The following SVIL variants were observed in gnomAD, a reference collection of about 807,000 sequenced individuals.
SVIL encodes the protein archvillin.
In SVIL, 101 loss-of-function variants were observed where a neutral mutation model predicts 240.4. The observed-to-expected ratio is 0.42, with a 90% CI of 0.36 to 0.50. The LOEUF is 0.50. Ranked by LOEUF, SVIL falls within the 20% of genes least tolerant of loss-of-function variation. The pLI is 0.01. For missense variants in SVIL, 2,512 were observed against 2,818.7 expected (o/e 0.89, Z 2.46); for synonymous variants, 999 against 1,100.0 (o/e 0.91, Z 1.82).
Position 29,502,570 on chromosome 10 carries a change from T to C in SVIL, c.3517-3307A>G, listed in dbSNP as rs11814229. On this transcript the variant is annotated intron_variant, in intron 17 of 37. Transcript: ENST00000355867. Reference sequence around the variant, plus strand: ...AGAATCTAAACAGAATCCTACCCCATCTGTCCTTCATTCTTTCAAAGACAG... The same window carrying C: ...AGAATCTAAACAGAATCCTACCCCACCTGTCCTTCATTCTTTCAAAGACAG... 4.4e-3 allele frequency among the ~76,000 whole-genome samples: 674 copies of C among 152,286 alleles called. 4 individuals carry two copies. The highest frequency in any genetic ancestry group is 0.016 in the African/African-American group (648 of 41,562).
chr10:29,496,531 C>T (rs957413604), intron 18 of SVIL: 6 of 400,346 alleles, frequency 1.5e-5, no homozygotes, highest in South Asian at 3.6e-5. Flanking sequence ...GTGTCCTGGC[C>T]GGTGCCGGGC....
Position 29,704,304 on chromosome 10 carries a change from T to G in SVIL, c.-399-17653A>C, listed in dbSNP as rs567030939. Among the ~76,000 whole-genome samples the G allele has an allele frequency of 3.0e-4, 45 of 152,342 alleles. 3 individuals carry two copies. In the South Asian group the frequency reaches 8.9e-3, roughly 30 times the overall value. ...AGTGTCGTGTGTGTGTGTATGTGTG[T>G]TCACCGAGGAACTGAGCATGCACCA... On this transcript the variant is annotated intron_variant, in intron 1 of 35. Transcript: ENST00000375400.
intron 6 of SVIL, among the ~76,000 whole-genome samples, chr10:29,536,320 G>T (rs1351020766): frequency 6.6e-6 from 1 of 151,748 alleles, no homozygotes; most frequent in Non-Finnish European, 1.5e-5. Context: ...TTATTACCTG[G>T]GTGACAAAAT....
chr10:29,612,917 C>A (rs551162477), intron 1 of SVIL, among the ~76,000 whole-genome samples: 1 of 152,192 alleles, frequency 6.6e-6, no homozygotes, highest in African/African-American at 2.4e-5. Context: ...GTGGTTCACG[C>A]TTGTAATCCC....
chr10:29,529,812 A>G lies in SVIL; in HGVS notation c.2139T>C (p.Val713=), dbSNP rs143617818. The G allele has an allele frequency of 1.2e-6, 2 of 1,612,132 alleles. No homozygotes were observed. The highest frequency in any genetic ancestry group is 2.7e-5 in the African/African-American group (2 of 74,740). ...CTGTGTTTCTTGAGCGTCGCTTTGG[A>G]ACATTTTGTTCATCAAAAGATTTTT... The part of the protein sequence containing the change: ...EMEKSFDEQN[V]PKRRSRNTAV... Residue 713 remains valine (V), a synonymous_variant, in exon 12 of 38, where the codon GTT becomes GTC. Transcript: ENST00000355867.
At chr10:29,508,936 C>T (rs1190720367) in intron 17 of SVIL, among the ~76,000 whole-genome samples, 1 of 152,134 alleles carries the variant, frequency 6.6e-6, no homozygotes, top group African/African-American at 2.4e-5. Context: ...GCCTTAACGT[C>T]GAATAAACCG....
At chr10:29,596,370 G>A (rs1372300936) in intron 1 of SVIL, among the ~76,000 whole-genome samples, 1 of 152,186 alleles carries the variant, frequency 6.6e-6, no homozygotes, top group Non-Finnish European at 1.5e-5. Context: ...CTACTTAGGA[G>A]GCTGTGGCAG....
intron 1 of SVIL, among the ~76,000 whole-genome samples, chr10:29,574,767 T>C (rs1955612705): frequency 6.6e-6 from 1 of 152,224 alleles, no homozygotes; most frequent in Non-Finnish European, 1.5e-5. Flanking sequence ...CTCCCAGCCC[T>C]GGCCCACATG....
chr10:29,634,740 G>C lies in SVIL; in HGVS notation c.-521C>G, dbSNP rs995274188. 1 of 152,170 alleles carries C rather than the reference G, an allele frequency of 6.6e-6. No individual in the cohort carries two copies. Among genetic ancestry groups the C allele is most frequent in the Non-Finnish European group, 1.5e-5 (1 of 68,026 alleles). The allele number at this position is 152,170 out of a possible 1,614,324, so 9.4% of individuals were successfully genotyped here. ...AATTTAGAATGGTGTTTTCCAAAAG[G>C]CTTTTTGGATGTCAAATTCAGGAAA... On this transcript the variant is annotated 5_prime_UTR_variant, in exon 1 of 38. Coordinates refer to ENST00000355867, the MANE Select transcript of SVIL (RefSeq NM_021738.3).
intron 2 of SVIL, among the ~76,000 whole-genome samples, chr10:29,663,196 A>C (rs1369590549): frequency 6.6e-6 from 1 of 152,184 alleles, no homozygotes; most frequent in African/African-American, 2.4e-5. Context: ...AAACTATAGA[A>C]GACTTTGTGA....
In SVIL at chr10:29,551,081, G is replaced by T; in HGVS notation, c.343C>A (p.Gln115Lys). Residue 115 changes from glutamine to lysine, a missense_variant, in exon 6 of 38, where the codon CAG (glutamine) becomes AAG (lysine). Coordinates refer to ENST00000355867, the MANE Select transcript of SVIL (RefSeq NM_021738.3). ...GTCAGCCCATACTTCTCTGCCAGCT[G>T]TCGCCTTCTTTCTGCTTTGTACCTT... ...IARYKAERRRQLAEKYGLTLD... is the reference protein window; with the variant it reads ...IARYKAERRRKLAEKYGLTLD... 3 of 1,614,154 alleles carry T rather than the reference G, an allele frequency of 1.9e-6. No individual in the cohort carries two copies. Among genetic ancestry groups the T allele is most frequent in the Non-Finnish European group, 2.5e-6 (3 of 1,180,032 alleles).
intron 2 of SVIL, among the ~76,000 whole-genome samples, chr10:29,672,220 G>A (rs184797325): frequency 2.3e-3 from 350 of 152,318 alleles, no homozygotes; most frequent in Non-Finnish European, 4.2e-3. Context: ...ATCTATGGCT[G>A]TTTTCATGTT....
chr10:29,692,483 G>A (rs1233672129), intron 1 of SVIL, among the ~76,000 whole-genome samples: 2 of 152,096 alleles, frequency 1.3e-5, no homozygotes, highest in Non-Finnish European at 2.9e-5. Flanking sequence ...GAGATCATCA[G>A]TGTCAAGCAC....
chr10:29,595,737 C>T (rs535711199), intron 1 of SVIL, among the ~76,000 whole-genome samples: 10 of 152,250 alleles, frequency 6.6e-5, no homozygotes, highest in South Asian at 4.1e-4. Context: ...GCAGGCAACG[C>T]GGTCTTCGGT....
intron 1 of SVIL, among the ~76,000 whole-genome samples, chr10:29,629,941 T>C (rs1372737107): frequency 6.7e-6 from 1 of 148,954 alleles, no homozygotes; most frequent in Non-Finnish European, 1.5e-5. Context: ...GGTCATGCCA[T>C]TGCATTCCAA....
chr10:29,513,009 A>T, intron 16 of SVIL, 148 bp from the exon 17 acceptor site: 1 of 1,226,172 alleles, frequency 8.2e-7, no homozygotes, highest in South Asian at 1.5e-5. Context: ...TATTCGGAAG[A>T]CAGCATGTCT....
At chr10:29,622,017 G>C (rs544690251) in intron 1 of SVIL, among the ~76,000 whole-genome samples, 1 of 151,764 alleles carries the variant, frequency 6.6e-6, no homozygotes, top group African/African-American at 2.4e-5. Context: ...TTGGGAGGCC[G>C]AGGCGGGCGG....
intron 2 of SVIL, 26 bp from the exon 3 acceptor site, chr10:29,563,318 T>A (rs1401690197): frequency 3.1e-6 from 3 of 955,188 alleles, no homozygotes; most frequent in Middle Eastern, 5.4e-4. Flanking sequence ...TTAATAAAGT[T>A]AAGTCCATTT....
rs1200257480 is a variant in SVIL, at chr10:29,484,223, A to G, written c.4955+433T>C. 6.6e-6 allele frequency among the ~76,000 whole-genome samples: 1 copy of G among 152,158 alleles called. No individual in the cohort carries two copies. Among genetic ancestry groups the G allele is most frequent in the Non-Finnish European group, 1.5e-5 (1 of 68,026 alleles). Reference sequence around the variant, plus strand: ...ATCATCTGCTGCCAAATAAATCCTGAAATTCGAGGGCGATGCTGGGAAGGT... The same window carrying G: ...ATCATCTGCTGCCAAATAAATCCTGGAATTCGAGGGCGATGCTGGGAAGGT... On this transcript the variant is annotated intron_variant, in intron 27 of 37. Coordinates refer to ENST00000355867, the MANE Select transcript of SVIL (RefSeq NM_021738.3). The surrounding 1 kb of genome is among the most constrained non-coding windows in gnomAD (Gnocchi z 4.7).
Sources: gnomAD v4.1 joint callset for allele counts (sites outside exome capture counted in the v4.1 genomes callset) on GRCh38, gnomAD v4.1.1 for gene constraint, Gnocchi (gnomAD v3.1) non-coding constraint, MANE v1.5 for transcripts, NCBI Gene and HGNC (gene_info 2026-07-23, HGNC 2026-07-21) for gene names.